The following PIK3R4 variants were observed in gnomAD, a reference collection of about 807,000 sequenced individuals.
PIK3R4 encodes phosphoinositide 3-kinase regulatory subunit 4.
In PIK3R4, 46 loss-of-function variants were observed where a neutral mutation model predicts 136.5. The ratio of observed to expected loss-of-function variants is 0.34; its 90% CI spans 0.27 to 0.43. PIK3R4 has a LOEUF of 0.43. Ranked by LOEUF, PIK3R4 falls within the 20% of genes least tolerant of loss-of-function variation. The probability of loss-of-function intolerance (pLI) is 1.00; values close to 1 mark genes in which losing one functional copy is unlikely to be tolerated. For missense variants in PIK3R4, 1,331 were observed against 1,649.5 expected (o/e 0.81, Z 3.35); for synonymous variants, 557 against 566.7 (o/e 0.98, Z 0.24).
chr3:130,686,103 C>T (rs1034321204), intron 15 of PIK3R4, 108 bp downstream of exon 15: 18 of 593,612 alleles, frequency 3.0e-5, no homozygotes, highest in East Asian at 6.2e-5. Context: ...AAAAAAAAGA[C>T]GGGAAAAATT....
rs74956024 is a variant in PIK3R4, at chr3:130,738,416, A to C, written c.734-2414T>G. ...AGAAGTTGGTGCTGAGGCGAAAAAA[A>C]CAGTAGGGAAAAACACCAACTGGAT... On this transcript the variant is annotated intron_variant, in intron 2 of 19. Coordinates refer to ENST00000356763, the MANE Select transcript of PIK3R4 (RefSeq NM_014602.3). 9.2e-3 allele frequency among the ~76,000 whole-genome samples: 1,406 copies of C among 152,340 alleles called. 20 individuals carry two copies. Among genetic ancestry groups the C allele is most frequent in the East Asian group, 0.052 (272 of 5,194 alleles).
rs374748468 is a variant in PIK3R4 at position 130,705,638 on chromosome 3, C to T, written c.2855G>A (p.Arg952Gln). Residue 952 changes from arginine to glutamine, a missense_variant, in exon 12 of 20, where the codon CGG becomes CAG. Coordinates refer to ENST00000356763, the MANE Select transcript of PIK3R4 (RefSeq NM_014602.3). ...TATTCTCTCAGCATTGCACTGCTCC[C>T]GCTTTTGCTGGATGAGTTGCTGAAG... The part of the protein sequence containing the change: ...TELQQLIQQK[R>Q]EQCNAERIAK... The T allele has an allele frequency of 1.7e-4, 282 of 1,613,580 alleles. No individual in the cohort carries two copies. Among genetic ancestry groups the T allele is most frequent in the Non-Finnish European group, 2.1e-4 (253 of 1,179,658 alleles).
At chr3:130,743,729 C>G (rs1024790015) in intron 2 of PIK3R4, among the ~76,000 whole-genome samples, 1 of 152,170 alleles carries the variant, frequency 6.6e-6, no homozygotes, top group African/African-American at 2.4e-5. Flanking sequence ...AATCTTAAGC[C>G]GGTCACAATC....
chr3:130,730,865 C>A (rs1250870176), intron 4 of PIK3R4, among the ~76,000 whole-genome samples: 1 of 152,174 alleles, frequency 6.6e-6, no homozygotes, highest in Non-Finnish European at 1.5e-5. Context: ...CAAATCTCAA[C>A]CTTGCCACTT....
rs765650745 is a variant in PIK3R4 at position 130,716,499 on chromosome 3, C to G, written c.2228G>C (p.Arg743Thr). ...LRSKDITSLF[R>T]HLHMRQKKRN... ...TTTCTTCTGACGCATGTGAAGATGT[C>G]TGAACAAGCTAGTAATATCTTTAGA... Residue 743 changes from arginine to threonine, a missense_variant, in exon 9 of 20, where the codon AGA becomes ACA. By Grantham distance (71) the Arg-to-Thr change is moderately conservative (BLOSUM62 -1). Around this residue, in one of 2 missense-constraint regions of PIK3R4, gnomAD observed 1,180 missense variants for 1,407.0 expected, o/e 0.84. Coordinates refer to ENST00000356763, the MANE Select transcript of PIK3R4 (RefSeq NM_014602.3). 5 of 1,613,972 alleles carry G rather than the reference C, an allele frequency of 3.1e-6. No homozygotes were observed. The highest frequency in any genetic ancestry group is 1.6e-4 in the Middle Eastern group (1 of 6,062).
intron 15 of PIK3R4, among the ~76,000 whole-genome samples, chr3:130,684,868 C>T (rs1559819289): frequency 6.6e-6 from 1 of 152,140 alleles, no homozygotes; most frequent in African/African-American, 2.4e-5. Flanking sequence ...ATTCTATAGA[C>T]AGGTATGTTA....
rs897493817 is a variant in PIK3R4 at position 130,720,202 on chromosome 3, C to CT, written c.1982-1669dup. ...AAATAGCATATTCAATCTTTTCTTCCTTTTTTTTTTGAGACGGAGTTTCGC... is the reference window on the plus strand; with the variant it reads ...AAATAGCATATTCAATCTTTTCTTCCTTTTTTTTTTTGAGACGGAGTTTCGC... On this transcript the variant is annotated intron_variant, in intron 7 of 19. Transcript: ENST00000356763. 3.7e-3 allele frequency among the ~76,000 whole-genome samples: 559 copies of CT among 149,384 alleles called. 3 individuals carry two copies. The highest frequency in any genetic ancestry group is 0.012 in the African/African-American group (488 of 40,834).
chr3:130,698,159 T>C (rs1394612872), intron 13 of PIK3R4, among the ~76,000 whole-genome samples: 3 of 152,252 alleles, frequency 2.0e-5, no homozygotes, highest in Non-Finnish European at 4.4e-5. Context: ...TCCAACAGTT[T>C]ATGATGTGTC....
Position 130,724,391 on chromosome 3 carries a change from G to C in PIK3R4, c.1808-804C>G, listed in dbSNP as rs193121675. On this transcript the variant is annotated intron_variant, in intron 6 of 19. Coordinates refer to ENST00000356763, the MANE Select transcript of PIK3R4 (RefSeq NM_014602.3). ...AAACATACTCAAATGGTGAGGGGGA[G>C]AGTCACTGAATTGGGATTGTGATGA... Among the ~76,000 whole-genome samples, 1,403 of 152,214 alleles carry C rather than the reference G, an allele frequency of 9.2e-3. 18 individuals are homozygous for C. The highest frequency in any genetic ancestry group is 0.052 in the East Asian group (271 of 5,184).
intron 14 of PIK3R4, among the ~76,000 whole-genome samples, chr3:130,687,299 G>A (rs1361242900): frequency 6.6e-6 from 1 of 152,088 alleles, no homozygotes; most frequent in African/African-American, 2.4e-5. Context: ...ATTAGCATTC[G>A]AAAACTTACA....
chr3:130,739,693 T>C (rs1409761028), intron 2 of PIK3R4, among the ~76,000 whole-genome samples: 1 of 152,082 alleles, frequency 6.6e-6, no homozygotes, highest in Non-Finnish European at 1.5e-5. Context: ...CTTAAAACTC[T>C]TCCCACAGGT....
chr3:130,741,390 A>T (rs2066822881), intron 2 of PIK3R4, among the ~76,000 whole-genome samples: 1 of 152,212 alleles, frequency 6.6e-6, no homozygotes, highest in African/African-American at 2.4e-5. Flanking sequence ...AGAGAAAATA[A>T]ATCTTGTTTC....
chr3:130,726,296 GA>G, intron 6 of PIK3R4, among the ~76,000 whole-genome samples: 1 of 152,062 alleles, frequency 6.6e-6, no homozygotes, highest in South Asian at 2.1e-4. Flanking sequence ...TATGTTATTA[GA>G]AAAAGTTTAA....
At chr3:130,694,435 T>C (rs1040465591) in intron 13 of PIK3R4, among the ~76,000 whole-genome samples, 13 of 152,016 alleles carry the variant, frequency 8.6e-5, no homozygotes, top group Admixed American at 2.0e-4. Flanking sequence ...TTCATTTGAG[T>C]CTTCTTTAAT....
intron 6 of PIK3R4, among the ~76,000 whole-genome samples, chr3:130,727,019 A>G (rs1468650219): frequency 6.6e-6 from 1 of 152,208 alleles, no homozygotes; most frequent in Non-Finnish European, 1.5e-5. Flanking sequence ...TCTGAAAAGA[A>G]AAAAACAGGT....
intron 9 of PIK3R4, among the ~76,000 whole-genome samples, chr3:130,711,369 G>A (rs1039337114): frequency 1.3e-5 from 2 of 152,108 alleles, no homozygotes; most frequent in African/African-American, 4.8e-5. Context: ...ATGGCAGAAG[G>A]AACATAGAGT....
chr3:130,679,608 T>C (rs889241126), intron 19 of PIK3R4, 123 bp from the exon 20 acceptor site: 10 of 629,174 alleles, frequency 1.6e-5, no homozygotes, highest in East Asian at 2.7e-5. Context: ...TTTGTAGTCA[T>C]GCTTTCACGA....
chr3:130,680,793 T>A, intron 18 of PIK3R4, 72 bp from the exon 19 acceptor site: 1 of 955,382 alleles, frequency 1.0e-6, no homozygotes, highest in Non-Finnish European at 1.6e-6. Context: ...TTGGCTTATC[T>A]TCATCAATGC....
intron 18 of PIK3R4, 59 bp downstream of exon 18, chr3:130,680,918 G>A (rs1349316833): frequency 1.9e-5 from 17 of 871,822 alleles, no homozygotes; most frequent in Admixed American, 6.5e-5. Flanking sequence ...AGTGCCATCA[G>A]TATCTATAAT....
Sources: allele counts gnomAD v4.1 joint callset (sites outside exome capture counted in the v4.1 genomes callset), GRCh38; gene constraint gnomAD v4.1.1; regional missense constraint gnomAD v4.1.1; transcripts MANE v1.5; gene names NCBI Gene and HGNC (gene_info 2026-07-23, HGNC 2026-07-21).